The following NTRK2 variants were observed in gnomAD, a reference collection of about 807,000 sequenced individuals.
The protein encoded by NTRK2 is BDNF/NT-3 growth factors receptor.
Under a neutral mutation model 94.5 loss-of-function variants are expected in NTRK2, and 13 were observed. The observed-to-expected ratio is 0.14, with a 90% CI of 0.09 to 0.22. The LOEUF is 0.22. NTRK2 is among the 10% of genes least tolerant of loss of function. The pLI, the probability that NTRK2 is intolerant of heterozygous loss-of-function variation, is 1.00. For missense variants in NTRK2, 639 were observed against 1,071.2 expected, an observed-to-expected ratio of 0.60 and a Z score of 5.63; for synonymous variants, 372 against 407.4, an observed-to-expected ratio of 0.91 and a Z score of 1.05.
At chr9:84,742,204 G>A (rs1166073300) in intron 10 of NTRK2, among the ~76,000 whole-genome samples, 2 of 152,124 alleles carry the variant, frequency 1.3e-5, no homozygotes, top group African/African-American at 2.4e-5. Flanking sequence ...CCTTAATTGG[G>A]AACTAATTAC....
chr9:84,682,807 A>G (rs1327886731), intron 2 of NTRK2, among the ~76,000 whole-genome samples: 1 of 152,164 alleles, frequency 6.6e-6, no homozygotes, highest in Non-Finnish European at 1.5e-5. Flanking sequence ...GTCGTTTTTC[A>G]CTTGACGATG....
rs1417968856 is a variant in NTRK2, at chr9:85,026,229, A to C, written c.*4792A>C. 4.3e-6 allele frequency: 1 copy of C among 230,632 alleles called. No homozygotes were observed. The highest frequency in any genetic ancestry group is 2.2e-5 in the African/African-American group (1 of 45,152). 14.3% of individuals were successfully genotyped at this position (230,632 alleles called of 1,614,324 possible). On this transcript the variant is annotated 3_prime_UTR_variant, in exon 19 of 19. Coordinates refer to ENST00000277120, the MANE Select transcript of NTRK2 (RefSeq NM_006180.6). ...ACCAAGCAACTATTTTGCCATCTTA[A>C]CATACATCTCAGGAGACGAAATGAG...
chr9:84,790,458 T>C (rs573194662), intron 12 of NTRK2, among the ~76,000 whole-genome samples: 2 of 152,262 alleles, frequency 1.3e-5, no homozygotes, highest in Admixed American at 1.3e-4. Flanking sequence ...AGTCCTGGCT[T>C]GGGTGAGGGA....
At chr9:84,972,981 C>G (rs1826364735) in intron 17 of NTRK2, among the ~76,000 whole-genome samples, 1 of 152,196 alleles carries the variant, frequency 6.6e-6, no homozygotes, top group African/African-American at 2.4e-5. Context: ...GCCCTCTTTC[C>G]ATGCTTTCCT....
rs138119744 is a variant in NTRK2 at position 84,714,826 on chromosome 9, T to G, written c.583+4035T>G. Among the ~76,000 whole-genome samples, 137 of 152,318 alleles carry G rather than the reference T, an allele frequency of 9.0e-4. 2 individuals are homozygous for G. The highest frequency in any genetic ancestry group is 3.0e-3 in the African/African-American group (125 of 41,590). On this transcript the variant is annotated intron_variant, in intron 6 of 18. Transcript: ENST00000277120. The stretch of plus-strand genomic sequence containing the variant: ...GTTCATCTTATTTCCACACTTTTTT[T>G]GGGGGTAAAACTTTTTAGCTAACTC...
chr9:84,882,728 G>GCGCGCGCGCA (rs1164011308), intron 14 of NTRK2, among the ~76,000 whole-genome samples: 2 of 151,706 alleles, frequency 1.3e-5, no homozygotes, highest in East Asian at 1.9e-4. Context: ...GTGCGCGCGC[G>GCGCGCGCGCA]CGCGCATGTG....
chr9:84,825,345 G>A (rs1049671870), intron 12 of NTRK2, among the ~76,000 whole-genome samples: 3 of 152,050 alleles, frequency 2.0e-5, no homozygotes, highest in African/African-American at 4.8e-5. Context: ...GCGCAGCTGA[G>A]TAGATTAAGT....
chr9:84,821,578 G>A (rs570789960), intron 12 of NTRK2, among the ~76,000 whole-genome samples: 2 of 152,274 alleles, frequency 1.3e-5, no homozygotes, highest in Admixed American at 6.5e-5. Context: ...CCAAAAGGTT[G>A]GTGTTCCGTT....
At chr9:84,922,235 T>C (rs1181060163) in intron 14 of NTRK2, among the ~76,000 whole-genome samples, 1 of 152,170 alleles carries the variant, frequency 6.6e-6, no homozygotes, top group African/African-American at 2.4e-5. Context: ...GTCGGTGGCA[T>C]CCTGCCATCC....
chr9:84,748,182 A>G (rs868028870), intron 11 of NTRK2, among the ~76,000 whole-genome samples: 4 of 152,196 alleles, frequency 2.6e-5, no homozygotes, highest in South Asian at 2.1e-4. Context: ...CAATCAAACA[A>G]CTGACCAAAC....
chr9:84,921,371 A>G (rs2077561814), intron 14 of NTRK2, among the ~76,000 whole-genome samples: 1 of 152,236 alleles, frequency 6.6e-6, no homozygotes, highest in Non-Finnish European at 1.5e-5. Context: ...GAGGAACCCA[A>G]GCACTGTGAC....
chr9:84,731,792 G>A (rs1013529003), intron 9 of NTRK2, among the ~76,000 whole-genome samples: 13 of 152,116 alleles, frequency 8.5e-5, no homozygotes, highest in Non-Finnish European at 1.5e-4. Flanking sequence ...CATTAAAAGA[G>A]AGCGGCCCAG....
intron 14 of NTRK2, among the ~76,000 whole-genome samples, chr9:84,902,390 T>C (rs2076957701): frequency 6.6e-6 from 1 of 151,932 alleles, no homozygotes; most frequent in Non-Finnish European, 1.5e-5. Flanking sequence ...GGTGAGTGAG[T>C]GTGCATCTGT....
chr9:84,736,147 G>A (rs959405494), intron 9 of NTRK2, among the ~76,000 whole-genome samples: 6 of 152,116 alleles, frequency 3.9e-5, no homozygotes, highest in East Asian at 1.9e-4. Context: ...AAATACCCTC[G>A]TTTTAAAGCT....
intron 6 of NTRK2, among the ~76,000 whole-genome samples, chr9:84,714,253 CG>C (rs550716514): frequency 7.7e-4 from 117 of 152,190 alleles, no homozygotes; most frequent in Non-Finnish European, 1.4e-3. Context: ...CTTCTCCATA[CG>C]GGGTTTGCTA....
chr9:84,926,169 C>CCTTTCTTCCTTTCTTTCTTTCTTT (rs2077790824), intron 14 of NTRK2, among the ~76,000 whole-genome samples: 1 of 38,514 alleles, frequency 2.6e-5, no homozygotes, highest in African/African-American at 9.2e-5. Context: ...TTCCTTCCTT[C>CCTTTCTTCCTTTCTTTCTTTCTTT]CTTTCTTTCT....
chr9:84,686,459 A>G (rs957514472), intron 2 of NTRK2, among the ~76,000 whole-genome samples: 2 of 152,228 alleles, frequency 1.3e-5, no homozygotes, highest in Non-Finnish European at 2.9e-5. Context: ...TCTGTTAGGT[A>G]ATAGCTAATA....
At chr9:84,930,368 G>C (rs1265817928) in intron 14 of NTRK2, among the ~76,000 whole-genome samples, 1 of 152,158 alleles carries the variant, frequency 6.6e-6, no homozygotes, top group African/African-American at 2.4e-5. Context: ...GAAAATGTGG[G>C]CCCAGAGCTC....
chr9:84,907,429 G>C (rs539330071), intron 14 of NTRK2, among the ~76,000 whole-genome samples: 2 of 152,126 alleles, frequency 1.3e-5, no homozygotes, highest in African/African-American at 2.4e-5. Flanking sequence ...GAGAATCTTT[G>C]GTTCCCTATT....
Sources: gnomAD v4.1 joint callset for allele counts (sites outside exome capture counted in the v4.1 genomes callset) on GRCh38, gnomAD v4.1.1 for gene constraint, MANE v1.5 for transcripts, NCBI Gene and HGNC (gene_info 2026-07-23, HGNC 2026-07-21) for gene names.